The following CSMD3 variants were observed in gnomAD, a reference collection of about 807,000 sequenced individuals.
CSMD3 encodes CUB and Sushi multiple domains 3.
Under a neutral mutation model 435.2 loss-of-function variants are expected in CSMD3, and 177 were observed. The observed-to-expected ratio is 0.41, with a 90% CI of 0.36 to 0.46. The LOEUF (loss-of-function observed/expected upper bound fraction) is 0.46, where lower values mean the gene tolerates loss of function less well. CSMD3 is among the 20% of genes least tolerant of loss of function. CSMD3 has a pLI of 0.34. For synonymous variants in CSMD3, 1,656 were observed against 1,520.5 expected, an observed-to-expected ratio of 1.09 and a Z score of -2.07; for missense variants, 4,265 against 4,504.6, an observed-to-expected ratio of 0.95 and a Z score of 1.52.
chr8:112,947,436 CAGA>C (rs1173063199), intron 9 of CSMD3, among the ~76,000 whole-genome samples: 1 of 151,538 alleles, frequency 6.6e-6, no homozygotes, highest in Non-Finnish European at 1.5e-5. Context: ...TTACATGTTG[CAGA>C]AGAAGAAACT....
chr8:112,272,439 A>C (rs1351470754), intron 59 of CSMD3, among the ~76,000 whole-genome samples: 2 of 152,172 alleles, frequency 1.3e-5, no homozygotes, highest in Non-Finnish European at 2.9e-5. Context: ...GTAACCATAA[A>C]AATTGTGTCT....
chr8:113,140,509 C>G lies in CSMD3; in HGVS notation c.709+33213G>C, dbSNP rs374880455. 2.0e-5 allele frequency among the ~76,000 whole-genome samples: 3 copies of G among 150,702 alleles called. No individual in the cohort carries two copies. The East Asian group carries it at 5.8e-4, about 29-fold the overall frequency. ...ATGCCAAGGTAGATCATATTCTAGG[C>G]AATACAACAAAACACAACTAACTTA... On this transcript the variant is annotated intron_variant, in intron 4 of 70. Coordinates refer to ENST00000297405, the MANE Select transcript of CSMD3 (RefSeq NM_198123.2).
At chr8:112,470,706 CA>C (rs1264671629) in intron 32 of CSMD3, among the ~76,000 whole-genome samples, 5 of 150,960 alleles carry the variant, frequency 3.3e-5, no homozygotes, top group Non-Finnish European at 7.4e-5. Context: ...ACCAAATTTA[CA>C]AATAAAGAGG....
chr8:112,955,473 A>G (rs1054418515), intron 7 of CSMD3, among the ~76,000 whole-genome samples: 7 of 151,836 alleles, frequency 4.6e-5, no homozygotes, highest in Non-Finnish European at 8.9e-5. Flanking sequence ...AATCTGAGTA[A>G]TTGGCACATT....
At chr8:113,174,142 G>T (rs2092312857) in intron 3 of CSMD3, among the ~76,000 whole-genome samples, 1 of 152,042 alleles carries the variant, frequency 6.6e-6, no homozygotes, top group African/African-American at 2.4e-5. Flanking sequence ...GAAAGTTTTA[G>T]ATATTATATT....
At chr8:113,264,238 T>A (rs2093449897) in intron 3 of CSMD3, among the ~76,000 whole-genome samples, 2 of 151,466 alleles carry the variant, frequency 1.3e-5, no homozygotes, top group South Asian at 4.1e-4. Flanking sequence ...GCACTATCAA[T>A]TATAACAACT....
intron 5 of CSMD3, among the ~76,000 whole-genome samples, chr8:113,073,704 C>A (rs78437571): frequency 4.4e-4 from 65 of 148,088 alleles, no homozygotes; most frequent in African/African-American, 1.5e-3. Context: ...TCTCACAATT[C>A]TTTTTTTTTT....
At chr8:113,328,735 CTTTT>C (rs71281211) in intron 1 of CSMD3, among the ~76,000 whole-genome samples, 40 of 57,196 alleles carry the variant, frequency 7.0e-4, no homozygotes, top group East Asian at 1.9e-3. Flanking sequence ...TCCTTCTTTT[CTTTT>C]TTTTTTTTTT....
chr8:113,358,564 G>C (rs753477035), intron 1 of CSMD3, among the ~76,000 whole-genome samples: 9 of 152,072 alleles, frequency 5.9e-5, no homozygotes, highest in Non-Finnish European at 1.0e-4. Flanking sequence ...TAATGATTAG[G>C]CTGGTCTCGA....
intron 14 of CSMD3, among the ~76,000 whole-genome samples, chr8:112,688,281 T>C (rs1400182787): frequency 6.6e-6 from 1 of 152,146 alleles, no homozygotes; most frequent in Non-Finnish European, 1.5e-5. Flanking sequence ...GCTTATATCA[T>C]ACTTTAAATT....
chr8:112,247,080 A>C lies in CSMD3; in HGVS notation c.10162T>G (p.Ser3388Ala). The C allele has an allele frequency of 6.2e-7, 1 of 1,613,870 alleles. No homozygotes were observed. Among genetic ancestry groups the C allele is most frequent in the Non-Finnish European group, 8.5e-7 (1 of 1,179,888 alleles). ...HCKKGHLLQGSTTRTCLPDLT... is the reference protein window; with the variant it reads ...HCKKGHLLQGATTRTCLPDLT... The stretch of plus-strand genomic sequence containing the variant: ...TCAGGGAGGCAGGTGCGTGTTGTAG[A>C]CCCTTGGAGAAGGTGTCCTTTTTTG... The change falls in exon 64 of 71, where the codon TCT (serine) becomes GCT (alanine). Residue 3388 changes from serine (S) to alanine (A), a missense_variant. Ser to Ala is a moderately conservative substitution (Grantham distance 99, BLOSUM62 1). Transcript: ENST00000297405.
At chr8:113,016,082 T>C (rs994654133) in intron 6 of CSMD3, among the ~76,000 whole-genome samples, 5 of 151,812 alleles carry the variant, frequency 3.3e-5, no homozygotes, top group Non-Finnish European at 7.4e-5. Context: ...TAACTTTTTT[T>C]TTTAATCAAA....
intron 28 of CSMD3, among the ~76,000 whole-genome samples, chr8:112,515,413 T>A (rs1823569225): frequency 6.6e-6 from 1 of 152,124 alleles, no homozygotes; most frequent in East Asian, 1.9e-4. Flanking sequence ...TAGTTGAAAA[T>A]TTTTTGGTTA....
intron 20 of CSMD3, among the ~76,000 whole-genome samples, chr8:112,640,483 T>C (rs961939500): frequency 6.6e-6 from 1 of 152,014 alleles, no homozygotes; most frequent in African/African-American, 2.4e-5. Context: ...ACACAAACAT[T>C]AACACAACAA....
intron 3 of CSMD3, among the ~76,000 whole-genome samples, chr8:113,228,739 C>A (rs2093054134): frequency 6.6e-6 from 1 of 151,452 alleles, no homozygotes; most frequent in Admixed American, 6.6e-5. Context: ...ATGAAAGGAA[C>A]CCCTGCTAAG....
chr8:112,590,546 G>A (rs1041364089), intron 22 of CSMD3, among the ~76,000 whole-genome samples: 1 of 152,080 alleles, frequency 6.6e-6, no homozygotes, highest in African/African-American at 2.4e-5. Flanking sequence ...AGATCTCCGA[G>A]GATGTTTATC....
At chr8:113,198,588 T>C (rs1309064141) in intron 3 of CSMD3, among the ~76,000 whole-genome samples, 1 of 151,200 alleles carries the variant, frequency 6.6e-6, no homozygotes, top group Non-Finnish European at 1.5e-5. Context: ...TTTGTTTTTG[T>C]TTTTGTTTTT....
rs566287283 is a variant in CSMD3 at position 112,954,283 on chromosome 8, T to G, written c.1420+401A>C. 1.7e-4 allele frequency among the ~76,000 whole-genome samples: 26 copies of G among 151,702 alleles called. No individual in the cohort carries two copies. The South Asian group carries it at 5.0e-3, about 29-fold the overall frequency. On this transcript the variant is annotated intron_variant, in intron 8 of 70. Coordinates refer to ENST00000297405, the MANE Select transcript of CSMD3 (RefSeq NM_198123.2). ...ATGAAAATTGCTATCTTAAAAGTAA[T>G]ATTTCTTAGAAAAGCACTTATGTTG...
intron 10 of CSMD3, among the ~76,000 whole-genome samples, chr8:112,879,918 T>TG (rs2081400851): frequency 1.3e-5 from 2 of 151,866 alleles, no homozygotes; most frequent in Non-Finnish European, 2.9e-5. Flanking sequence ...CTGGGCCTGT[T>TG]GGGGGGTGGA....
Sources: gnomAD v4.1 joint callset for allele counts (sites outside exome capture counted in the v4.1 genomes callset) on GRCh38, gnomAD v4.1.1 for gene constraint, MANE v1.5 for transcripts, NCBI Gene and HGNC (gene_info 2026-07-23, HGNC 2026-07-21) for gene names.